ASIC2: variants seen among roughly 807,000 people sequenced by gnomAD.
ASIC2 encodes acid sensing ion channel subunit 2.
Under a neutral mutation model 57.3 loss-of-function variants are expected in ASIC2, and 25 were observed. The ratio of observed to expected loss-of-function variants is 0.44; its 90% CI spans 0.32 to 0.61. ASIC2 has a LOEUF of 0.61. Among genes scored for constraint, ASIC2 ranks in the 20% least tolerant of loss-of-function variants. ASIC2 has a pLI of 0.06. For missense variants in ASIC2, 641 were observed against 738.1 expected, an observed-to-expected ratio of 0.87 and a Z score of 1.52; for synonymous variants, 319 against 307.5, an observed-to-expected ratio of 1.04 and a Z score of -0.39.
intron 1 of ASIC2, among the ~76,000 whole-genome samples, chr17:33,857,985 C>T (rs866082905): frequency 1.4e-4 from 22 of 152,362 alleles, no homozygotes; most frequent in Admixed American, 7.2e-4. Flanking sequence ...CTCAGGCTTG[C>T]AGCCTGGGTT....
At chr17:33,135,107 G>A (rs913257748) in intron 1 of ASIC2, among the ~76,000 whole-genome samples, 1 of 152,174 alleles carries the variant, frequency 6.6e-6, no homozygotes, top group Non-Finnish European at 1.5e-5. Context: ...GGACTGGAAT[G>A]TGGGTTTTCT....
intron 1 of ASIC2, among the ~76,000 whole-genome samples, chr17:34,082,677 A>G (rs1032239739): frequency 5.3e-5 from 8 of 152,226 alleles, no homozygotes; most frequent in African/African-American, 1.9e-4. Context: ...AACACTTGCT[A>G]TGTGCTAGAC....
chr17:33,879,485 A>G (rs1047633436), intron 1 of ASIC2, among the ~76,000 whole-genome samples: 7 of 152,354 alleles, frequency 4.6e-5, no homozygotes, highest in Admixed American at 3.3e-4. Context: ...CTTTAAATCA[A>G]CAAAGATCAA....
At chr17:33,846,554 C>T (rs187434180) in intron 1 of ASIC2, among the ~76,000 whole-genome samples, 39 of 152,130 alleles carry the variant, frequency 2.6e-4, no homozygotes, top group African/African-American at 9.4e-4. Context: ...TGTATGATGC[C>T]ACCCCACCAA....
At chr17:34,135,373 G>A (rs1355648953) in intron 1 of ASIC2, among the ~76,000 whole-genome samples, 3 of 152,230 alleles carry the variant, frequency 2.0e-5, no homozygotes, top group African/African-American at 4.8e-5. Context: ...ATCTTCGTAG[G>A]AGAAGATCAG....
At chr17:34,056,886 G>A (rs1242730593) in intron 1 of ASIC2, among the ~76,000 whole-genome samples, 4 of 152,130 alleles carry the variant, frequency 2.6e-5, no homozygotes, top group African/African-American at 7.2e-5. Flanking sequence ...CAACCCATTC[G>A]TGTGAAAACA....
intron 1 of ASIC2, among the ~76,000 whole-genome samples, chr17:33,156,693 T>C (rs1302837238): frequency 1.3e-5 from 2 of 151,464 alleles, no homozygotes; most frequent in East Asian, 4.0e-4. Context: ...GAGGCGGAGG[T>C]TGCAGTGAGC....
At chr17:33,779,195 C>T (rs1053530048) in intron 1 of ASIC2, among the ~76,000 whole-genome samples, 1 of 152,006 alleles carries the variant, frequency 6.6e-6, no homozygotes, top group African/African-American at 2.4e-5. Flanking sequence ...ATTTGGCTTC[C>T]CAGGGTGTCT....
intron 3 of ASIC2, among the ~76,000 whole-genome samples, chr17:33,069,618 T>TC (rs1380492867): frequency 2.0e-5 from 3 of 152,252 alleles, no homozygotes; most frequent in Non-Finnish European, 4.4e-5. Flanking sequence ...ATATTATTTG[T>TC]TCTGAATCAT....
At chr17:33,684,296 C>T (rs1202807823) in intron 1 of ASIC2, among the ~76,000 whole-genome samples, 1 of 152,216 alleles carries the variant, frequency 6.6e-6, no homozygotes, top group Non-Finnish European at 1.5e-5. Context: ...AGGGGCCTAG[C>T]ACCCACTCCC....
chr17:33,068,375 A>C (rs1010361679), intron 3 of ASIC2, among the ~76,000 whole-genome samples: 2 of 152,144 alleles, frequency 1.3e-5, no homozygotes, highest in East Asian at 3.9e-4. Context: ...TTCTACTAAA[A>C]ATACAAAATT....
chr17:33,640,714 G>C (rs146900425), intron 1 of ASIC2, among the ~76,000 whole-genome samples: 1 of 152,216 alleles, frequency 6.6e-6, no homozygotes, highest in African/African-American at 2.4e-5. Context: ...AGGAACCTGC[G>C]TGTAGTTCCC....
chr17:33,934,070 C>T (rs1728037545), intron 1 of ASIC2, among the ~76,000 whole-genome samples: 1 of 152,178 alleles, frequency 6.6e-6, no homozygotes, highest in Non-Finnish European at 1.5e-5. Context: ...CTTCTGGGGG[C>T]ACATTGAACA....
chr17:33,309,346 G>A (rs553991116), intron 1 of ASIC2, among the ~76,000 whole-genome samples: 7 of 152,244 alleles, frequency 4.6e-5, no homozygotes, highest in East Asian at 3.9e-4. Flanking sequence ...ATGAGACATC[G>A]GTAGATTCAA....
chr17:33,746,335 T>TCTACAG (rs1910259393), intron 1 of ASIC2, among the ~76,000 whole-genome samples: 2 of 149,434 alleles, frequency 1.3e-5, no homozygotes, highest in Admixed American at 1.3e-4. Flanking sequence ...CATATATGTA[T>TCTACAG]ATATACATAC....
At chr17:33,624,847 T>C (rs1316115162) in intron 1 of ASIC2, among the ~76,000 whole-genome samples, 1 of 152,220 alleles carries the variant, frequency 6.6e-6, no homozygotes. Context: ...AATCCAAGCA[T>C]CCATCATACA....
chr17:33,859,461 A>G (rs1374924523), intron 1 of ASIC2, among the ~76,000 whole-genome samples: 5 of 152,214 alleles, frequency 3.3e-5, no homozygotes. Context: ...CTGTTACAAG[A>G]AAGAAACCCA....
At chr17:33,347,584 TA>T (rs1293824871) in intron 1 of ASIC2, among the ~76,000 whole-genome samples, 15 of 152,096 alleles carry the variant, frequency 9.9e-5, no homozygotes, top group African/African-American at 3.6e-4. Flanking sequence ...AGAAAGATTC[TA>T]AGAAGGGTCC....
intron 1 of ASIC2, among the ~76,000 whole-genome samples, chr17:33,451,976 A>G (rs1261030111): frequency 2.6e-5 from 4 of 152,240 alleles, no homozygotes; most frequent in Admixed American, 2.0e-4. Flanking sequence ...TCAGTTAGTT[A>G]CATGATATGC....
Sources: allele counts gnomAD v4.1 joint callset (sites outside exome capture counted in the v4.1 genomes callset), GRCh38; gene constraint gnomAD v4.1.1; transcripts MANE v1.5; gene names NCBI Gene and HGNC (gene_info 2026-07-23, HGNC 2026-07-21).